DAPK1: variants seen among roughly 807,000 people sequenced by gnomAD.
DAPK1 encodes the protein death associated protein kinase 1, also known as death-associated protein kinase 1.
DAPK1 carries 56 observed loss-of-function variants against 144.9 expected under a neutral mutation model. The observed-to-expected ratio is 0.39, with a 90% CI of 0.31 to 0.48. The LOEUF (loss-of-function observed/expected upper bound fraction) is 0.48, where lower values mean the gene tolerates loss of function less well. Among genes scored for constraint, DAPK1 ranks in the 20% least tolerant of loss-of-function variants. The probability of loss-of-function intolerance (pLI) is 0.95; values close to 1 mark genes in which losing one functional copy is unlikely to be tolerated. For missense variants in DAPK1, 1,454 were observed against 1,875.4 expected, an observed-to-expected ratio of 0.78 and a Z score of 4.15; for synonymous variants, 690 against 749.0, an observed-to-expected ratio of 0.92 and a Z score of 1.29.
At chr9:87,673,116 C>T (rs1388033012) in intron 19 of DAPK1, among the ~76,000 whole-genome samples, 1 of 152,138 alleles carries the variant, frequency 6.6e-6, no homozygotes, top group Non-Finnish European at 1.5e-5. Context: ...TGTTTCTTGT[C>T]CCTGGCCTCC....
intron 3 of DAPK1, chr9:87,632,773 T>C (rs1829744954): frequency 1.0e-6 from 1 of 982,024 alleles, no homozygotes; most frequent in African/African-American, 1.8e-5. Flanking sequence ...AGTATATATG[T>C]AGATATGAAG....
At chr9:87,515,918 C>G (rs1213432862) in intron 2 of DAPK1, among the ~76,000 whole-genome samples, 1 of 152,146 alleles carries the variant, frequency 6.6e-6, no homozygotes, top group Non-Finnish European at 1.5e-5. Context: ...TTACCAGCCT[C>G]CCCCCATTTC....
At chr9:87,530,717 G>A (rs1034066287) in intron 2 of DAPK1, among the ~76,000 whole-genome samples, 2 of 152,106 alleles carry the variant, frequency 1.3e-5, no homozygotes, top group African/African-American at 2.4e-5. Context: ...AGACTGAGCC[G>A]ATTTCCCTTT....
intron 11 of DAPK1, among the ~76,000 whole-genome samples, chr9:87,645,394 A>G (rs529587485): frequency 3.9e-5 from 6 of 152,148 alleles, no homozygotes; most frequent in African/African-American, 1.4e-4. Flanking sequence ...GTGTTATTCT[A>G]TACCTAGCAA....
At chr9:87,621,715 C>T (rs1829299636) in intron 3 of DAPK1, among the ~76,000 whole-genome samples, 1 of 152,168 alleles carries the variant, frequency 6.6e-6, no homozygotes, top group African/African-American at 2.4e-5. Flanking sequence ...GCTGAGGATC[C>T]ACTCTGACTC....
chr9:87,594,462 C>T (rs1828246578), intron 2 of DAPK1, among the ~76,000 whole-genome samples: 1 of 152,202 alleles, frequency 6.6e-6, no homozygotes, highest in Non-Finnish European at 1.5e-5. Flanking sequence ...TTCCTGAAGT[C>T]ATAGACCATA....
intron 2 of DAPK1, among the ~76,000 whole-genome samples, chr9:87,579,677 T>G (rs932920659): frequency 6.6e-6 from 1 of 152,122 alleles, no homozygotes; most frequent in Non-Finnish European, 1.5e-5. Flanking sequence ...ATTTACACAT[T>G]CTCTTCTATT....
chr9:87,575,041 A>C (rs1393684961), intron 2 of DAPK1, among the ~76,000 whole-genome samples: 1 of 151,844 alleles, frequency 6.6e-6, no homozygotes, highest in African/African-American at 2.4e-5. Context: ...AATATGGTGA[A>C]ACCCCATCTC....
chr9:87,497,912 A>T lies in DAPK1; in HGVS notation c.-304A>T. 2.5e-6 allele frequency: 1 copy of T among 393,972 alleles called. No homozygotes were observed. The highest frequency in any genetic ancestry group is 4.5e-6 in the Non-Finnish European group (1 of 223,634). 24.4% of individuals were successfully genotyped at this position (393,972 alleles called of 1,614,324 possible). ...CAGCCGGACCGAGCCAACGCCGGGG[A>T]CTTTGTTCCCTCCGCGGAGGGGACT... On this transcript the variant is annotated 5_prime_UTR_variant, in exon 1 of 26. Coordinates refer to ENST00000408954, the MANE Select transcript of DAPK1 (RefSeq NM_004938.4).
At chr9:87,672,369 T>C (rs1010579156) in intron 19 of DAPK1, among the ~76,000 whole-genome samples, 1 of 152,192 alleles carries the variant, frequency 6.6e-6, no homozygotes, top group Admixed American at 6.5e-5. Context: ...AGCAACATAC[T>C]AATCAGTGCA....
intron 14 of DAPK1, chr9:87,648,564 A>G (rs1257220219): frequency 1.9e-6 from 1 of 518,700 alleles, no homozygotes; most frequent in Non-Finnish European, 3.4e-6. Flanking sequence ...ACTTCACAGG[A>G]TGAGCCAAGT....
chr9:87,546,754 A>G (rs1189098719), intron 2 of DAPK1, among the ~76,000 whole-genome samples: 1 of 151,800 alleles, frequency 6.6e-6, no homozygotes, highest in Non-Finnish European at 1.5e-5. Flanking sequence ...CCTCCTTTCC[A>G]TCTCATCTCT....
At chr9:87,528,871 CAAA>C (rs34492541) in intron 2 of DAPK1, among the ~76,000 whole-genome samples, 91 of 104,870 alleles carry the variant, frequency 8.7e-4, no homozygotes, top group African/African-American at 1.9e-3. Flanking sequence ...GACTCCATCT[CAAA>C]AAAAAAAAAA....
At chr9:87,703,274 T>C in intron 25 of DAPK1, 57 bp downstream of exon 25, 1 of 973,232 alleles carries the variant, frequency 1.0e-6, no homozygotes. Context: ...ACTCAGCCTG[T>C]CCCAAATTCC....
chr9:87,612,349 G>T (rs928877621), intron 3 of DAPK1, among the ~76,000 whole-genome samples: 1 of 152,192 alleles, frequency 6.6e-6, no homozygotes, highest in Admixed American at 6.5e-5. Context: ...AATCTGATAG[G>T]ACTGGTGTCC....
intron 2 of DAPK1, among the ~76,000 whole-genome samples, chr9:87,544,583 C>T (rs1826170644): frequency 6.6e-6 from 1 of 152,108 alleles, no homozygotes; most frequent in African/African-American, 2.4e-5. Flanking sequence ...CTTGCAAACA[C>T]AATATGCAGC....
intron 2 of DAPK1, 79 bp downstream of exon 2, chr9:87,499,218 C>T: frequency 2.5e-6 from 3 of 1,200,770 alleles, no homozygotes; most frequent in Non-Finnish European, 3.7e-6. Context: ...TAAACAAATG[C>T]AGTTTGAATC....
intron 24 of DAPK1, among the ~76,000 whole-genome samples, chr9:87,702,511 G>T (rs1217667792): frequency 6.6e-6 from 1 of 152,006 alleles, no homozygotes; most frequent in Admixed American, 6.6e-5. Context: ...AAACAGTCAC[G>T]AGAGAGAGAG....
At chr9:87,604,755 C>T (rs1828651939) in intron 2 of DAPK1, among the ~76,000 whole-genome samples, 199 bp from the exon 3 acceptor site, 1 of 152,134 alleles carries the variant, frequency 6.6e-6, no homozygotes, top group South Asian at 2.1e-4. Context: ...AGTTTATATT[C>T]CTTGCAGCAT....
Sources: allele counts gnomAD v4.1 joint callset (sites outside exome capture counted in the v4.1 genomes callset), GRCh38; gene constraint gnomAD v4.1.1; transcripts MANE v1.5; gene names NCBI Gene and HGNC (gene_info 2026-07-23, HGNC 2026-07-21).